C7orf57: variants seen among roughly 807,000 people sequenced by gnomAD.
C7orf57 encodes the protein uncharacterized protein C7orf57.
C7orf57 carries 33 observed loss-of-function variants against 39.0 expected under a neutral mutation model. The observed-to-expected ratio is 0.85, with a 90% CI of 0.64 to 1.13. C7orf57 has a LOEUF of 1.13. Among genes scored for constraint, C7orf57 ranks in the 50% most tolerant of loss-of-function variants. The pLI is 0.00. For missense variants in C7orf57, 346 were observed against 362.3 expected (o/e 0.95, Z 0.37); for synonymous variants, 124 against 137.1 (o/e 0.90, Z 0.67).
rs770355612 is a variant in C7orf57, at chr7:48,052,761, G to A, written c.667G>A (p.Asp223Asn). The stretch of plus-strand genomic sequence containing the variant: ...CAAACTCATTAGCAATGGTTATAAG[G>A]ATGAGTGGTTGCAGCAGCAGCAGCG... ...FSKLISNGYK[D>N]EWLQQQQRAD... is the part of the protein sequence containing the mutation. The change falls in exon 7 of 9, where the codon GAT becomes AAT. Residue 223 changes from aspartate to asparagine, a missense_variant. Physicochemically the swap from Asp to Asn is conservative, Grantham distance 23 (BLOSUM62 1). Coordinates refer to ENST00000348904, the MANE Select transcript of C7orf57 (RefSeq NM_001100159.3). 1.2e-6 allele frequency: 2 copies of A among 1,613,984 alleles called. No individual in the cohort carries two copies. The highest frequency in any genetic ancestry group is 2.2e-5 in the South Asian group (2 of 91,082).
chr7:48,057,500 A>G (rs1015361230), intron 8 of C7orf57, among the ~76,000 whole-genome samples: 1 of 152,118 alleles, frequency 6.6e-6, no homozygotes, highest in African/African-American at 2.4e-5. Flanking sequence ...TTTGTTTACC[A>G]GTTTTCACAG....
intron 6 of C7orf57, among the ~76,000 whole-genome samples, chr7:48,052,382 A>G (rs895169108): frequency 8.0e-6 from 1 of 124,364 alleles, no homozygotes; most frequent in African/African-American, 2.6e-5. Context: ...TACTAGAATT[A>G]TTACTAATTC....
Position 48,046,527 on chromosome 7 carries a change from A to G in C7orf57, c.418A>G (p.Ser140Gly), listed in dbSNP as rs937708076. 1.1e-5 allele frequency: 18 copies of G among 1,613,954 alleles called. No individual in the cohort carries two copies. The highest frequency in any genetic ancestry group is 1.5e-5 in the Non-Finnish European group (18 of 1,179,860). ...EEFNPDQANGSYASRRGPFDF... is the reference protein window; with the variant it reads ...EEFNPDQANGGYASRRGPFDF... The stretch of plus-strand genomic sequence containing the variant: ...ATTTAACCCCGATCAAGCCAATGGT[A>G]GCTATGCATCCAGAAGAGGGCCCTT... Residue 140 changes from serine to glycine, a missense_variant, in exon 5 of 9, where the codon AGC (serine) becomes GGC (glycine). Coordinates refer to ENST00000348904, the MANE Select transcript of C7orf57 (RefSeq NM_001100159.3).
intron 3 of C7orf57, among the ~76,000 whole-genome samples, 169 bp from the exon 4 acceptor site, chr7:48,043,312 T>A (rs1005192167): frequency 1.3e-5 from 2 of 152,204 alleles, no homozygotes; most frequent in Non-Finnish European, 2.9e-5. Context: ...CCTGTCAGCC[T>A]GTGCACAGAC....
At chr7:48,036,833 G>A in intron 2 of C7orf57, among the ~76,000 whole-genome samples, 1 of 152,272 alleles carries the variant, frequency 6.6e-6, no homozygotes, top group South Asian at 2.1e-4. Flanking sequence ...TCTGGATACA[G>A]GAAAAGGAAT....
chr7:48,052,795 C>T lies in C7orf57; in HGVS notation c.701C>T (p.Ser234Leu), dbSNP rs1273256243. 1 of 1,614,034 alleles carries T rather than the reference C, an allele frequency of 6.2e-7. No homozygotes were observed. Among genetic ancestry groups the T allele is most frequent in the Admixed American group, 1.7e-5 (1 of 60,032 alleles). Residue 234 changes from serine to leucine, a missense_variant, in exon 7 of 9, where the codon TCA becomes TTA. By Grantham distance (145) the Ser-to-Leu change is moderately radical (BLOSUM62 -2). Coordinates refer to ENST00000348904, the MANE Select transcript of C7orf57 (RefSeq NM_001100159.3). ...TTGCAGCAGCAGCAGCGAGCTGACT[C>T]AGACAAGAGGACCCCGAAGACCTCC... ...EWLQQQQRAD[S>L]DKRTPKTSRA...
chr7:48,047,316 TTG>T (rs1277902503), intron 5 of C7orf57, among the ~76,000 whole-genome samples: 1 of 152,166 alleles, frequency 6.6e-6, no homozygotes, highest in Non-Finnish European at 1.5e-5. Flanking sequence ...ACTTCAGGGT[TTG>T]TGAGTGAAAC....
At chr7:48,037,803 T>C (rs1790427545) in intron 2 of C7orf57, among the ~76,000 whole-genome samples, 1 of 142,310 alleles carries the variant, frequency 7.0e-6, no homozygotes, top group Non-Finnish European at 1.6e-5. Flanking sequence ...TGGTCACAAA[T>C]GGTTCTTACT....
chr7:48,055,699 T>C (rs2128798926), intron 8 of C7orf57, among the ~76,000 whole-genome samples: 1 of 152,322 alleles, frequency 6.6e-6, no homozygotes, highest in Non-Finnish European at 1.5e-5. Context: ...ATTCCATATA[T>C]GGCTGCAATT....
rs1790833067 is a variant in C7orf57 at position 48,050,110 on chromosome 7, C to T, written c.605+133C>T. On this transcript the variant is annotated intron_variant, in intron 6 of 8. Transcript: ENST00000348904. ...AAGCCCTGTCTGTGGCCTGGCCTGG[C>T]TGTGCCTGTCGCCTCCTCACTGTGG... 6.0e-6 allele frequency: 4 copies of T among 664,750 alleles called. No individual in the cohort carries two copies. The Admixed American group carries it at 6.8e-5, about 11-fold the overall frequency. 41.2% of individuals were successfully genotyped at this position (664,750 alleles called of 1,614,324 possible).
At chr7:48,054,523 A>G in intron 7 of C7orf57, 72 bp from the exon 8 acceptor site, 1 of 1,253,610 alleles carries the variant, frequency 8.0e-7, no homozygotes, top group Non-Finnish European at 1.1e-6. Flanking sequence ...TTAAATCTTT[A>G]AGTAATTATG....
At chr7:48,057,041 GA>G (rs1241686619) in intron 8 of C7orf57, among the ~76,000 whole-genome samples, 10 of 149,288 alleles carry the variant, frequency 6.7e-5, no homozygotes, top group African/African-American at 2.5e-4. Context: ...AATATATTTT[GA>G]AATCAGATGA....
chr7:48,049,832 G>A (rs1168948738), intron 5 of C7orf57, 48 bp from the exon 6 acceptor site: 1 of 1,455,062 alleles, frequency 6.9e-7, no homozygotes, highest in Admixed American at 1.7e-5. Flanking sequence ...TTCTCTAGCT[G>A]TTGAATGCTT....
At chr7:48,048,612 C>G (rs1038823216) in intron 5 of C7orf57, among the ~76,000 whole-genome samples, 2 of 152,086 alleles carry the variant, frequency 1.3e-5, no homozygotes, top group Non-Finnish European at 2.9e-5. Context: ...TTAGGTAGAG[C>G]GAAACCCACC....
At chr7:48,040,420 G>A (rs1164758853) in intron 2 of C7orf57, among the ~76,000 whole-genome samples, 3 of 152,168 alleles carry the variant, frequency 2.0e-5, no homozygotes, top group African/African-American at 7.2e-5. Flanking sequence ...GCCACACCCA[G>A]TCACCTCAGG....
At chr7:48,049,188 C>T (rs190816303) in intron 5 of C7orf57, among the ~76,000 whole-genome samples, 1 of 152,320 alleles carries the variant, frequency 6.6e-6, no homozygotes, top group East Asian at 1.9e-4. Flanking sequence ...AGAGAAAGTG[C>T]TCCTGACCAC....
intron 2 of C7orf57, among the ~76,000 whole-genome samples, chr7:48,037,256 T>G (rs1027418815): frequency 1.3e-5 from 2 of 152,216 alleles, no homozygotes; most frequent in African/African-American, 4.8e-5. Context: ...TGCCTTCTAG[T>G]GACCTTGTCT....
At position 48,046,723 on chromosome 7, in the gene C7orf57, T is replaced by C. The variant is rs1304590978; in HGVS notation, c.507+107T>C. On this transcript the variant is annotated intron_variant, in intron 5 of 8. Coordinates refer to ENST00000348904, the MANE Select transcript of C7orf57 (RefSeq NM_001100159.3). ...TGCTGGTGGCGTCTTATGTTGCTCG[T>C]GGCATCGGCCACGTGCTCTGTATTT... 4 of 1,241,652 alleles carry C rather than the reference T, an allele frequency of 3.2e-6. No individual in the cohort carries two copies. In the East Asian group the frequency reaches 1.0e-4, roughly 31 times the overall value. The allele number at this position is 1,241,652 out of a possible 1,614,324, so 76.9% of individuals were successfully genotyped here.
At position 48,041,417 on chromosome 7, in the gene C7orf57, T is replaced by C. The variant is rs1044918186; in HGVS notation, c.139T>C (p.Leu47=). 11 of 1,613,746 alleles carry C rather than the reference T, an allele frequency of 6.8e-6. No homozygotes were observed. Among genetic ancestry groups the C allele is most frequent in the Non-Finnish European group, 6.8e-6 (8 of 1,179,850 alleles). The change falls in exon 3 of 9, where the codon TTG becomes CTG. Residue 47 remains leucine, a synonymous_variant. Transcript: ENST00000348904. The part of the protein sequence containing the change: ...PASQIPGLSN[L]GDSHSENLPG... ...GTCCCAGATCCCAGGTCTCAGCAAT[T>C]TGGGAGACTCACACAGCGAGAACCT...
Sources: allele counts gnomAD v4.1 joint callset (sites outside exome capture counted in the v4.1 genomes callset), GRCh38; gene constraint gnomAD v4.1.1; transcripts MANE v1.5; gene names NCBI Gene and HGNC (gene_info 2026-07-23, HGNC 2026-07-21).